Variants in INTS11 observed in about 807,000 individuals in gnomAD.
INTS11 encodes the protein integrator complex subunit 11.
In INTS11, 77 loss-of-function variants were observed where a neutral mutation model predicts 78.6. That is an observed-to-expected ratio of 0.98 (90% confidence interval 0.81 to 1.18). The LOEUF (loss-of-function observed/expected upper bound fraction) is 1.18. Among genes scored for constraint, INTS11 ranks in the 50% most tolerant of loss-of-function variants. INTS11 has a pLI of 0.00. For synonymous variants in INTS11, 441 were observed against 326.9 expected (o/e 1.35, Z -3.77); for missense variants, 875 against 825.9 (o/e 1.06, Z -0.73).
chr1:1,320,603 A>AG, intron 2 of INTS11, 74 bp from the exon 3 acceptor site: 1 of 1,467,630 alleles, frequency 6.8e-7, no homozygotes, highest in Non-Finnish European at 9.5e-7. Flanking sequence ...TGCCCCAGGG[A>AG]GGGGCCCCCA....
At chr1:1,317,679 C>T (rs1239189717) in intron 4 of INTS11, 3 of 152,220 alleles carry the variant, frequency 2.0e-5, no homozygotes, top group African/African-American at 7.2e-5. Flanking sequence ...ACATGTCAGC[C>T]CATCAGAGCA....
rs1209440307 is a variant in INTS11, at chr1:1,312,371, G to A, written c.1465-3C>T. On this transcript the variant is annotated splice_region_variant and splice_polypyrimidine_tract_variant and intron_variant, in intron 14 of 16. Coordinates refer to ENST00000435064, the MANE Select transcript of INTS11 (RefSeq NM_017871.6). Reference sequence around the variant, plus strand: ...TCTGAGGACACCAGCCGGAAGTTCTGTGGGGCAGGGACAGGTCAGTGAGCG... The same window carrying A: ...TCTGAGGACACCAGCCGGAAGTTCTATGGGGCAGGGACAGGTCAGTGAGCG... The A allele has an allele frequency of 6.4e-7, 1 of 1,567,094 alleles. No individual in the cohort carries two copies. The highest frequency in any genetic ancestry group is 2.3e-5 in the East Asian group (1 of 42,626).
At position 1,312,886 on chromosome 1, in the gene INTS11, T is replaced by C. The variant is rs887044036; in HGVS notation, c.1195A>G (p.Met399Val). 1.2e-6 allele frequency: 2 copies of C among 1,612,610 alleles called. No individual in the cohort carries two copies. Among genetic ancestry groups the C allele is most frequent in the Non-Finnish European group, 8.5e-7 (1 of 1,179,890 alleles). Reference sequence around the variant, plus strand: ...GGCTCTGCCTGGCCCACCAGCTGCATGATGCCCTTGGCGTCCGCGTGTGCG... The same window carrying C: ...GGCTCTGCCTGGCCCACCAGCTGCACGATGCCCTTGGCGTCCGCGTGTGCG... The part of the protein sequence containing the change: ...FSAHADAKGI[M>V]QLVGQAEPES... The change falls in exon 12 of 17, where the codon ATG (methionine) becomes GTG (valine). Residue 399 changes from methionine (M) to valine (V), a missense_variant. Transcript: ENST00000435064.
chr1:1,311,815 C>T lies in INTS11; in HGVS notation c.*44G>A. The T allele has an allele frequency of 6.6e-7, 1 of 1,522,774 alleles. No individual in the cohort carries two copies. The highest frequency in any genetic ancestry group is 2.3e-5 in the East Asian group (1 of 44,108). 94.3% of individuals were successfully genotyped at this position (1,522,774 alleles called of 1,614,324 possible). ...CTGAAGTGCAGGCCCAGGGTCTGTC[C>T]AGCTGGGAGAGGGCAGAGGTGGCGG... is the stretch of plus-strand genomic sequence containing the variant. On this transcript the variant is annotated 3_prime_UTR_variant, in exon 17 of 17. Transcript: ENST00000435064.
At chr1:1,323,001 C>T (rs1036826722) in intron 1 of INTS11, 1 of 1,387,160 alleles carries the variant, frequency 7.2e-7, no homozygotes, top group South Asian at 1.7e-5. Flanking sequence ...AACAGGCAGC[C>T]AAGAGGCCAA....
intron 1 of INTS11, chr1:1,322,915 T>C (rs879860848): frequency 2.9e-5 from 38 of 1,307,266 alleles, no homozygotes; most frequent in African/African-American, 2.5e-4. Context: ...ACCTTGAGAA[T>C]ATACCCAGGT....
At position 1,312,213 on chromosome 1, in the gene INTS11, G is replaced by GCCGCCCCCCCCCCCCCCC; in HGVS notation, c.1607+12_1607+13insGGGGGGGGGGGGGGGCGG. On this transcript the variant is annotated intron_variant, in intron 15 of 16. Coordinates refer to ENST00000435064, the MANE Select transcript of INTS11 (RefSeq NM_017871.6). Reference sequence around the variant, plus strand: ...CCCAAGGGAGTGGGGGGGGGGCGGGGCCGGGCGCCCACCTCTTGAGGTGGC... The same window carrying GCCGCCCCCCCCCCCCCCC: ...CCCAAGGGAGTGGGGGGGGGGCGGGGCCGCCCCCCCCCCCCCCCCCGGGCGCCCACCTCTTGAGGTGGC... The GCCGCCCCCCCCCCCCCCC allele has an allele frequency of 2.1e-6, 2 of 934,596 alleles. No homozygotes were observed. The highest frequency in any genetic ancestry group is 3.1e-6 in the Non-Finnish European group (2 of 636,644). The allele number at this position is 934,596 out of a possible 1,614,324, so 57.9% of individuals were successfully genotyped here.
rs1642173788 is a variant in INTS11 at position 1,311,734 on chromosome 1, C to T, written c.*125G>A. 10 of 984,944 alleles carry T rather than the reference C, an allele frequency of 1.0e-5. No individual in the cohort carries two copies. In the South Asian group the frequency reaches 1.1e-4, roughly 11 times the overall value. 61.0% of individuals were successfully genotyped at this position (984,944 alleles called of 1,614,324 possible). On this transcript the variant is annotated 3_prime_UTR_variant, in exon 17 of 17. Coordinates refer to ENST00000435064, the MANE Select transcript of INTS11 (RefSeq NM_017871.6). ...GCCTGGGCAGGCAGGTGACACAAGG[C>T]CTCTGTCCCCAGGGATGGGACCTGC...
chr1:1,318,606 C>G (rs1372848073), intron 4 of INTS11: 8 of 351,238 alleles, frequency 2.3e-5, no homozygotes, highest in Admixed American at 4.7e-5. Context: ...TGCAGTGAGC[C>G]AAGATCACAC....
intron 1 of INTS11, among the ~76,000 whole-genome samples, chr1:1,324,269 G>A (rs904610744): frequency 1.3e-5 from 2 of 152,054 alleles, no homozygotes; most frequent in Non-Finnish European, 2.9e-5. Flanking sequence ...GGAGGCGGCA[G>A]CGCGCGGCAC....
At chr1:1,312,731 C>T in intron 12 of INTS11, 31 bp from the exon 13 acceptor site, 3 of 1,590,894 alleles carry the variant, frequency 1.9e-6, no homozygotes, top group Non-Finnish European at 2.6e-6. Flanking sequence ...GAGCCTCAGC[C>T]CAGGCTGCCC....
At chr1:1,323,399 T>C (rs1424321556) in intron 1 of INTS11, 1 of 1,224,390 alleles carries the variant, frequency 8.2e-7, no homozygotes. Context: ...CATCGTTCTA[T>C]ACTGTTACGA....
In INTS11 at chr1:1,314,832, C is replaced by T; in HGVS notation, c.694G>A (p.Gly232Ser). The T allele has an allele frequency of 6.2e-7, 1 of 1,611,188 alleles. No individual in the cohort carries two copies. The highest frequency in any genetic ancestry group is 8.5e-7 in the Non-Finnish European group (1 of 1,178,554). Residue 232 changes from glycine to serine, a missense_variant, in exon 7 of 17, where the codon GGT becomes AGT. Gly to Ser is a moderately conservative substitution (Grantham distance 56, BLOSUM62 0). Transcript: ENST00000435064. This position sits in a 1 kb window ranked among gnomAD's most constrained non-coding sequence, Gnocchi z 4.2. ...ACCCCTGCTGCAGCTACCTTCCCAC[C>T]ACGCTCCACGGTCTCGTGGACTTTC... is the stretch of plus-strand genomic sequence containing the variant. Reference protein sequence around the residue: ...LKKVHETVERGGKVLIPVFAL... With the variant: ...LKKVHETVERSGKVLIPVFAL...
intron 1 of INTS11, among the ~76,000 whole-genome samples, chr1:1,324,274 C>A (rs1189753651): frequency 6.6e-6 from 1 of 151,782 alleles, no homozygotes; most frequent in Non-Finnish European, 1.5e-5. Flanking sequence ...CGGCAGCGCG[C>A]GGCACGGGGA....
rs200498230 is a variant in INTS11 at position 1,321,073 on chromosome 1, G to A, written c.49C>T (p.Arg17Ter). 5.5e-5 allele frequency: 89 copies of A among 1,612,206 alleles called. No individual in the cohort carries two copies. The highest frequency in any genetic ancestry group is 7.3e-5 in the Non-Finnish European group (86 of 1,179,366). ...TPLGAGQDVG[R>*]SCILVSIAGK... ...GCAATGGAGACCAGGATGCAGCTTCGGCCCACGTCCTGGCCGGCCCCTACT... is the reference window on the plus strand; with the variant it reads ...GCAATGGAGACCAGGATGCAGCTTCAGCCCACGTCCTGGCCGGCCCCTACT... The change falls in exon 2 of 17, where the codon CGA (arginine) becomes TGA (stop). Residue 17 changes from arginine to a stop codon, truncating the protein, a stop_gained. Coordinates refer to ENST00000435064, the MANE Select transcript of INTS11 (RefSeq NM_017871.6). LOFTEE classifies it high-confidence loss of function.
In INTS11 at chr1:1,314,713, T is replaced by C. The variant is rs1642470121; in HGVS notation, c.702+111A>G. 2.4e-6 allele frequency: 3 copies of C among 1,275,124 alleles called. No homozygotes were observed. In the South Asian group the frequency reaches 4.3e-5, roughly 18 times the overall value. 79.0% of individuals were successfully genotyped at this position (1,275,124 alleles called of 1,614,324 possible). ...ATCTTCTTCCCTCCCTGCCTGAAAA[T>C]GCAGTACCCCCCACCCTGAGACCCT... On this transcript the variant is annotated intron_variant, in intron 7 of 16. Transcript: ENST00000435064. This position sits in a 1 kb window ranked among gnomAD's most constrained non-coding sequence, Gnocchi z 4.2.
At chr1:1,323,421 T>C in intron 1 of INTS11, 1 of 1,086,514 alleles carries the variant, frequency 9.2e-7, no homozygotes, top group Admixed American at 2.8e-5. Flanking sequence ...TTTGACTTTC[T>C]TTTGAGACAT....
At chr1:1,320,392 G>C (rs1642875040) in intron 3 of INTS11, 64 bp downstream of exon 3, 27 of 1,516,768 alleles carry the variant, frequency 1.8e-5, no homozygotes, top group Non-Finnish European at 2.2e-5. Flanking sequence ...CCGAGACCAA[G>C]CAAGGTGGCC....
chr1:1,312,069 G>A lies in INTS11; in HGVS notation c.1686C>T (p.Ala562=), dbSNP rs1461298387. 6.4e-7 allele frequency: 1 copy of A among 1,573,100 alleles called. No individual in the cohort carries two copies. The highest frequency in any genetic ancestry group is 8.6e-7 in the Non-Finnish European group (1 of 1,158,160). ...TVESVLLQAA[A]PSEDPGTKVL... The stretch of plus-strand genomic sequence containing the variant: ...CCTTGGTGCCTGGGTCCTCAGAAGG[G>A]GCGGCGGCCTGGAGGAGGACGGACT... The change falls in exon 16 of 17, where the codon GCC becomes GCT. Residue 562 remains alanine, a synonymous_variant. Coordinates refer to ENST00000435064, the MANE Select transcript of INTS11 (RefSeq NM_017871.6).
Sources: gnomAD v4.1 joint callset for allele counts (sites outside exome capture counted in the v4.1 genomes callset) on GRCh38, gnomAD v4.1.1 for gene constraint, Gnocchi (gnomAD v3.1) non-coding constraint, MANE v1.5 for transcripts, NCBI Gene and HGNC (gene_info 2026-07-23, HGNC 2026-07-21) for gene names.